The following SUMF1 variants were observed in gnomAD, a reference collection of about 807,000 sequenced individuals.
The protein encoded by SUMF1 is sulfatase modifying factor 1.
SUMF1 carries 48 observed loss-of-function variants against 47.6 expected under a neutral mutation model. The observed-to-expected ratio is 1.01, with a 90% CI of 0.80 to 1.28. The LOEUF (loss-of-function observed/expected upper bound fraction) is 1.28, where lower values mean the gene tolerates loss of function less well. SUMF1 is among the 50% of genes most tolerant of loss of function. The pLI is 0.00. For missense variants in SUMF1, 571 were observed against 485.4 expected (o/e 1.18, Z -1.66); for synonymous variants, 230 against 192.1 (o/e 1.20, Z -1.63).
At chr3:4,406,979 T>C (rs1413913807) in intron 7 of SUMF1, among the ~76,000 whole-genome samples, 4 of 152,270 alleles carry the variant, frequency 2.6e-5, no homozygotes, top group Middle Eastern at 6.8e-3. Context: ...AACCACATTA[T>C]GATTGGGTTA....
chr3:4,271,969 A>G (rs1270235586), intron 8 of SUMF1, among the ~76,000 whole-genome samples: 1 of 152,150 alleles, frequency 6.6e-6, no homozygotes, highest in Non-Finnish European at 1.5e-5. Context: ...ATTTTTTCTT[A>G]AGAACAAAGT....
At chr3:4,350,494 T>C (rs567442241) in intron 8 of SUMF1, among the ~76,000 whole-genome samples, 1 of 151,624 alleles carries the variant, frequency 6.6e-6, no homozygotes, top group Admixed American at 6.6e-5. Context: ...TAGTCACCTA[T>C]TGGCATGGAT....
chr3:4,089,967 A>T (rs1692749287), intron 8 of SUMF1, among the ~76,000 whole-genome samples: 1 of 152,092 alleles, frequency 6.6e-6, no homozygotes. Flanking sequence ...TTTCAGCGGT[A>T]GTTACACAAT....
intron 8 of SUMF1, among the ~76,000 whole-genome samples, chr3:4,329,475 C>T (rs1039243918): frequency 2.0e-5 from 3 of 152,240 alleles, no homozygotes; most frequent in Non-Finnish European, 4.4e-5. Flanking sequence ...TTACGGTTTG[C>T]ACCCTCTGAA....
chr3:4,230,210 C>T (rs1007426028), intron 8 of SUMF1, among the ~76,000 whole-genome samples: 3 of 152,046 alleles, frequency 2.0e-5, no homozygotes. Context: ...CAGACACCAA[C>T]CAGTTGTCCT....
chr3:4,390,039 C>T (rs541483199), intron 7 of SUMF1, among the ~76,000 whole-genome samples: 4 of 152,144 alleles, frequency 2.6e-5, no homozygotes, highest in African/African-American at 9.7e-5. Context: ...TCAACTTAAA[C>T]GTGGACATGT....
chr3:4,315,941 G>T (rs1559220173), intron 8 of SUMF1, among the ~76,000 whole-genome samples: 1 of 151,446 alleles, frequency 6.6e-6, no homozygotes, highest in Non-Finnish European at 1.5e-5. Context: ...CAGCTACTCA[G>T]GAGGCTGAGG....
intron 8 of SUMF1, among the ~76,000 whole-genome samples, chr3:4,321,514 T>C (rs1274923710): frequency 7.0e-6 from 1 of 142,242 alleles, no homozygotes; most frequent in African/African-American, 2.6e-5. Context: ...GAAACCTACA[T>C]TGATGGGGGT....
chr3:4,371,153 C>T (rs182499493), intron 8 of SUMF1, among the ~76,000 whole-genome samples: 1 of 152,250 alleles, frequency 6.6e-6, no homozygotes, highest in African/African-American at 2.4e-5. Context: ...TATAAATGTC[C>T]TCATTGCTCT....
In SUMF1 at chr3:4,267,600, G is replaced by C. The variant is rs538512386; in HGVS notation, c.1014+108730C>G. ...GGACATGAACAGACACTTCTCAAAA[G>C]AAGACATTTATGCAGCCAAAAAACA... On this transcript the variant is annotated intron_variant and NMD_transcript_variant, in intron 8 of 12. Coordinates refer to the SUMF1 transcript ENST00000448413. 8.5e-5 allele frequency among the ~76,000 whole-genome samples: 13 copies of C among 152,198 alleles called. No homozygotes were observed. The East Asian group carries it at 1.5e-3, about 18-fold the overall frequency.
chr3:4,048,778 C>T (rs1695052509), intron 9 of SUMF1, among the ~76,000 whole-genome samples: 1 of 152,142 alleles, frequency 6.6e-6, no homozygotes. Flanking sequence ...TCATTGCATA[C>T]ATTTAATACA....
intron 9 of SUMF1, among the ~76,000 whole-genome samples, chr3:4,058,248 T>A (rs533018577): frequency 6.6e-6 from 1 of 152,258 alleles, no homozygotes; most frequent in South Asian, 2.1e-4. Context: ...CGCGAGCAGG[T>A]ATATACACAT....
chr3:4,044,250 G>A (rs147219042), intron 9 of SUMF1, among the ~76,000 whole-genome samples: 117 of 152,248 alleles, frequency 7.7e-4, no homozygotes, highest in African/African-American at 2.5e-3. Flanking sequence ...TCCTTTCCTT[G>A]CTGTGAAAAA....
intron 8 of SUMF1, among the ~76,000 whole-genome samples, chr3:4,190,898 G>A (rs1695301511): frequency 6.6e-6 from 1 of 152,118 alleles, no homozygotes; most frequent in Admixed American, 6.6e-5. Flanking sequence ...GGGGTGCTAG[G>A]AAATAAGCAA....
At chr3:4,363,253 T>C (rs1335482801) in intron 8 of SUMF1, among the ~76,000 whole-genome samples, 1 of 152,228 alleles carries the variant, frequency 6.6e-6, no homozygotes, top group Non-Finnish European at 1.5e-5. Flanking sequence ...ATCTAAATCA[T>C]ATTTATGATA....
chr3:4,279,825 A>G (rs1372362940), intron 8 of SUMF1, among the ~76,000 whole-genome samples: 1 of 152,200 alleles, frequency 6.6e-6, no homozygotes, highest in African/African-American at 2.4e-5. Flanking sequence ...TATCAACTTT[A>G]GGATGCATAA....
intron 8 of SUMF1, among the ~76,000 whole-genome samples, chr3:4,141,333 G>A (rs1694066178): frequency 6.6e-6 from 1 of 152,000 alleles, no homozygotes; most frequent in Admixed American, 6.6e-5. Flanking sequence ...TGGCCAAGGG[G>A]GAGAAGAAAT....
chr3:4,239,699 A>T (rs1157506149), intron 8 of SUMF1, among the ~76,000 whole-genome samples: 6 of 152,296 alleles, frequency 3.9e-5, no homozygotes, highest in African/African-American at 1.2e-4. Flanking sequence ...GTAAATATAC[A>T]ATCATATCAT....
intron 8 of SUMF1, among the ~76,000 whole-genome samples, chr3:4,107,561 T>G (rs142588996): frequency 6.6e-6 from 1 of 152,284 alleles, no homozygotes; most frequent in East Asian, 1.9e-4. Context: ...CTCTCTTCGT[T>G]GTAATCCCAC....
Sources: gnomAD v4.1 joint callset for allele counts (sites outside exome capture counted in the v4.1 genomes callset) on GRCh38, gnomAD v4.1.1 for gene constraint, MANE v1.5 for transcripts, NCBI Gene and HGNC (gene_info 2026-07-23, HGNC 2026-07-21) for gene names.